Variants in FAM200B observed in about 807,000 individuals in gnomAD.
FAM200B encodes the protein zinc finger BED-type containing 11.
FAM200B carries 32 observed loss-of-function variants against 33.1 expected under a neutral mutation model. That is an observed-to-expected ratio of 0.97 (90% confidence interval 0.73 to 1.30). The LOEUF is 1.30. Among genes scored for constraint, FAM200B ranks in the 50% most tolerant of loss-of-function variants. The probability of loss-of-function intolerance (pLI) is 0.00; values close to 1 mark genes in which losing one functional copy is unlikely to be tolerated. For synonymous variants in FAM200B, 240 were observed against 264.8 expected (o/e 0.91, Z 0.91); for missense variants, 741 against 754.0 (o/e 0.98, Z 0.20).
chr4:15,687,295 C>T lies in FAM200B; in HGVS notation c.318C>T (p.His106=), dbSNP rs1213417965. The change falls in exon 2 of 2, where the codon CAC becomes CAT. Residue 106 remains histidine (H), a synonymous_variant. Coordinates refer to ENST00000422728, the MANE Select transcript of FAM200B (RefSeq NM_001145191.2). ...TAAAACCTTCGAAATTAAAAAGGCA[C>T]TTAGAAACTCAGCATGCTGAACTTA... ...ESLKPSKLKR[H]LETQHAELID... is the part of the protein sequence containing the mutation. The T allele has an allele frequency of 1.3e-6, 2 of 1,546,732 alleles. No homozygotes were observed. Among genetic ancestry groups the T allele is most frequent in the Admixed American group, 2.0e-5 (1 of 50,602 alleles).
chr4:15,657,661 T>G, the FAM200B span, among the ~76,000 whole-genome samples: 1 of 152,226 alleles, frequency 6.6e-6, no homozygotes, highest in Non-Finnish European at 1.5e-5. Context: ...ATAATCCCTG[T>G]GAGTAATTTT....
the FAM200B span, among the ~76,000 whole-genome samples, chr4:15,671,393 TTA>T: frequency 6.6e-6 from 1 of 152,070 alleles, no homozygotes; most frequent in South Asian, 2.1e-4. Context: ...ATTTAAGATT[TTA>T]TCTTTATCAC....
the FAM200B span, among the ~76,000 whole-genome samples, chr4:15,642,782 C>A: frequency 6.6e-6 from 1 of 152,142 alleles, no homozygotes; most frequent in African/African-American, 2.4e-5. Context: ...TCTTTACCAC[C>A]TCCTATTCAT....
chr4:15,638,727 GC>G, the FAM200B span: 1 of 1,359,368 alleles, frequency 7.4e-7, no homozygotes, highest in Non-Finnish European at 1.0e-6. Flanking sequence ...GAGGAAAGAT[GC>G]TTCATTCGTG....
chr4:15,673,936 C>G, the FAM200B span, among the ~76,000 whole-genome samples: 1 of 152,224 alleles, frequency 6.6e-6, no homozygotes, highest in Non-Finnish European at 1.5e-5. Flanking sequence ...TCAAGGTTCA[C>G]TGTCCTTCAT....
the FAM200B span, among the ~76,000 whole-genome samples, chr4:15,646,655 C>T: frequency 1.3e-5 from 2 of 151,800 alleles, no homozygotes; most frequent in African/African-American, 4.8e-5. Context: ...ATTAACCCGT[C>T]ATCTAACATT....
Position 15,688,377 on chromosome 4 carries a change from T to C in FAM200B, c.1400T>C (p.Leu467Ser). 6.5e-7 allele frequency: 1 copy of C among 1,549,758 alleles called. No individual in the cohort carries two copies. The highest frequency in any genetic ancestry group is 1.2e-5 in the South Asian group (1 of 84,000). ...VERIQGFRKT[L>S]LLWQVRLKSN... The stretch of plus-strand genomic sequence containing the variant: ...CGTATCCAGGGATTTCGAAAGACAT[T>C]ATTGTTATGGCAAGTAAGACTTAAA... The change falls in exon 2 of 2, where the codon TTA becomes TCA. Residue 467 changes from leucine (L) to serine (S), a missense_variant. Coordinates refer to ENST00000422728, the MANE Select transcript of FAM200B (RefSeq NM_001145191.2).
chr4:15,667,552 G>A, the FAM200B span, among the ~76,000 whole-genome samples: 1 of 151,880 alleles, frequency 6.6e-6, no homozygotes, highest in Non-Finnish European at 1.5e-5. Context: ...CAGATCACAG[G>A]CAAACTATAG....
the FAM200B span, among the ~76,000 whole-genome samples, chr4:15,664,938 A>C: frequency 3.9e-5 from 6 of 152,088 alleles, no homozygotes; most frequent in Non-Finnish European, 7.4e-5. Context: ...TTAATATGTG[A>C]ATCTTAATGA....
At chr4:15,642,523 A>C in the FAM200B span, among the ~76,000 whole-genome samples, 1 of 152,178 alleles carries the variant, frequency 6.6e-6, no homozygotes, top group Non-Finnish European at 1.5e-5. Flanking sequence ...CGGATGAGCC[A>C]CCATGCCCAG....
chr4:15,641,888 G>A, the FAM200B span, among the ~76,000 whole-genome samples: 8 of 152,068 alleles, frequency 5.3e-5, no homozygotes, highest in Admixed American at 5.2e-4. Context: ...TCAGCCAGGT[G>A]TAATGATGGG....
the FAM200B span, among the ~76,000 whole-genome samples, chr4:15,674,419 C>A: frequency 6.6e-6 from 1 of 152,068 alleles, no homozygotes; most frequent in Non-Finnish European, 1.5e-5. Flanking sequence ...CTTATGAATA[C>A]ATAGCACACT....
the FAM200B span, among the ~76,000 whole-genome samples, chr4:15,645,402 T>C: frequency 6.6e-6 from 1 of 152,204 alleles, no homozygotes; most frequent in South Asian, 2.1e-4. Context: ...ATTACTTAAC[T>C]GTGTAACCCT....
chr4:15,641,707 T>C, the FAM200B span: 2 of 434,672 alleles, frequency 4.6e-6, no homozygotes, highest in Admixed American at 2.6e-5. Flanking sequence ...CTAATCCCCA[T>C]GTTGTTCAAG....
the FAM200B span, among the ~76,000 whole-genome samples, chr4:15,646,487 A>T: frequency 6.6e-6 from 1 of 151,900 alleles, no homozygotes; most frequent in Non-Finnish European, 1.5e-5. Context: ...CAAACTTAAA[A>T]ATAGCCTTAG....
rs555334471 is a variant in FAM200B, at chr4:15,688,647, A to C, written c.1670A>C (p.Glu557Ala). ...ESIIELNLVP[E>A]EENELLQLSS... is the part of the protein sequence containing the mutation. ...ATAATTGAGCTAAACTTGGTGCCTG[A>C]AGAAGAGAATGAATTATTGCAGCTT... The change falls in exon 2 of 2, where the codon GAA becomes GCA. Residue 557 changes from glutamate (E) to alanine (A), a missense_variant. Transcript: ENST00000422728. The C allele has an allele frequency of 6.4e-7, 1 of 1,551,422 alleles. No individual in the cohort carries two copies. Among genetic ancestry groups the C allele is most frequent in the Non-Finnish European group, 8.7e-7 (1 of 1,146,764 alleles).
chr4:15,648,456 T>C, the FAM200B span, among the ~76,000 whole-genome samples: 3 of 152,306 alleles, frequency 2.0e-5, no homozygotes, highest in Non-Finnish European at 2.9e-5. Context: ...GCATTATTCA[T>C]AATAGCCAAG....
At chr4:15,638,890 C>T in the FAM200B span, among the ~76,000 whole-genome samples, 3 of 152,164 alleles carry the variant, frequency 2.0e-5, no homozygotes, top group Non-Finnish European at 4.4e-5. Context: ...CCTGGCCAGG[C>T]GCGGTGGCTA....
chr4:15,656,369 A>G, the FAM200B span: 6 of 445,622 alleles, frequency 1.3e-5, no homozygotes, highest in Middle Eastern at 3.5e-4. Flanking sequence ...ATAGGAGAAA[A>G]CAGGGAAGCC....
Sources: gnomAD v4.1 joint callset for allele counts (sites outside exome capture counted in the v4.1 genomes callset) on GRCh38, gnomAD v4.1.1 for gene constraint, MANE v1.5 for transcripts, NCBI Gene and HGNC (gene_info 2026-07-23, HGNC 2026-07-21) for gene names.